The following FRMD3 variants were observed in gnomAD, a reference collection of about 807,000 sequenced individuals.
FRMD3 encodes the protein FERM domain-containing protein 3.
FRMD3 carries 33 observed loss-of-function variants against 70.2 expected under a neutral mutation model. That is an observed-to-expected ratio of 0.47 (90% CI 0.36 to 0.63). The LOEUF (loss-of-function observed/expected upper bound fraction) is 0.63, where lower values mean the gene tolerates loss of function less well. Among genes scored for constraint, FRMD3 ranks in the 20% least tolerant of loss-of-function variants. The pLI is 0.00. For synonymous variants in FRMD3, 279 were observed against 255.9 expected, an observed-to-expected ratio of 1.09 and a Z score of -0.86; for missense variants, 632 against 711.4, an observed-to-expected ratio of 0.89 and a Z score of 1.27.
At chr9:83,497,111 T>C (rs1828960407) in intron 1 of FRMD3, among the ~76,000 whole-genome samples, 1 of 152,116 alleles carries the variant, frequency 6.6e-6, no homozygotes, top group Non-Finnish European at 1.5e-5. Context: ...TGAAACTGTG[T>C]CTCAAAAGTA....
intron 12 of FRMD3, among the ~76,000 whole-genome samples, chr9:83,298,213 A>C (rs2119016416): frequency 6.6e-6 from 1 of 152,366 alleles, no homozygotes; most frequent in South Asian, 2.1e-4. Flanking sequence ...AAATTGTGGT[A>C]GTGTGAAGTC....
chr9:83,505,394 A>G (rs1349361245), intron 1 of FRMD3, among the ~76,000 whole-genome samples: 1 of 152,196 alleles, frequency 6.6e-6, no homozygotes. Flanking sequence ...CAAGTCCTCT[A>G]AGATCAGCCA....
chr9:83,570,829 T>C, the FRMD3 span, among the ~76,000 whole-genome samples: 1 of 152,132 alleles, frequency 6.6e-6, no homozygotes, highest in Non-Finnish European at 1.5e-5. Context: ...TTCCGTAATC[T>C]AGGCAAGAAA....
chr9:83,329,372 A>G (rs572975301), intron 6 of FRMD3, among the ~76,000 whole-genome samples: 1 of 152,326 alleles, frequency 6.6e-6, no homozygotes, highest in African/African-American at 2.4e-5. Context: ...CTTAAGAAAG[A>G]TTGGGGTTGT....
chr9:83,537,985 C>T lies in FRMD3; in HGVS notation c.147+100G>A. On this transcript the variant is annotated intron_variant, in intron 1 of 13. Coordinates refer to ENST00000304195, the MANE Select transcript of FRMD3 (RefSeq NM_174938.6). This position sits in a 1 kb window ranked among gnomAD's most constrained non-coding sequence, Gnocchi z 4.1. ...CTGGCTTTCTAGCAGTCCCCCAATC[C>T]CCTCCGGGAGTGGGTTCCTTGTTCT... The T allele has an allele frequency of 7.4e-7, 1 of 1,358,244 alleles. No homozygotes were observed. The highest frequency in any genetic ancestry group is 1.0e-6 in the Non-Finnish European group (1 of 983,038). 84.1% of individuals were successfully genotyped at this position (1,358,244 alleles called of 1,614,324 possible).
intron 13 of FRMD3, among the ~76,000 whole-genome samples, chr9:83,271,332 CA>C (rs1409386837): frequency 1.3e-5 from 2 of 152,114 alleles, no homozygotes; most frequent in African/African-American, 2.4e-5. Flanking sequence ...TCAGGTTAGA[CA>C]TTAAGTATCC....
chr9:83,528,163 A>C (rs566179085), intron 1 of FRMD3, among the ~76,000 whole-genome samples: 1 of 152,356 alleles, frequency 6.6e-6, no homozygotes, highest in African/African-American at 2.4e-5. Flanking sequence ...TCTCAAAACA[A>C]GACACAGCTT....
At chr9:83,544,147 C>G in the FRMD3 span, among the ~76,000 whole-genome samples, 1 of 152,164 alleles carries the variant, frequency 6.6e-6, no homozygotes, top group Admixed American at 6.5e-5. Flanking sequence ...CACACCAAAG[C>G]CATTTCAGCA....
At chr9:83,564,369 A>G in the FRMD3 span, among the ~76,000 whole-genome samples, 1 of 152,188 alleles carries the variant, frequency 6.6e-6, no homozygotes, top group Non-Finnish European at 1.5e-5. Flanking sequence ...CTAAGTCCCT[A>G]ATATATGCCA....
chr9:83,371,911 AG>A (rs1824986067), intron 3 of FRMD3, among the ~76,000 whole-genome samples: 1 of 152,198 alleles, frequency 6.6e-6, no homozygotes. Flanking sequence ...AGAAAGTTAA[AG>A]AAGAGATACG....
In FRMD3 at chr9:83,346,985, A is replaced by G. The variant is rs1447252750; in HGVS notation, c.374+2694T>C. 2.0e-5 allele frequency among the ~76,000 whole-genome samples: 3 copies of G among 152,378 alleles called. No individual in the cohort carries two copies. In the East Asian group the frequency reaches 5.8e-4, roughly 29 times the overall value. ...TTAAGGACTGTAAACTACCAGGCCA[A>G]ATACCATGAAGTTTCTTTTCTGTGT... On this transcript the variant is annotated intron_variant, in intron 4 of 13. Coordinates refer to ENST00000304195, the MANE Select transcript of FRMD3 (RefSeq NM_174938.6).
chr9:83,541,670 GGCAGAAGACAAATAGTGGT>G, upstream of FRMD3, among the ~76,000 whole-genome samples: 1 of 152,342 alleles, frequency 6.6e-6, no homozygotes, highest in East Asian at 1.9e-4. Context: ...AGCCTGGGCT[GGCAGAAGACAAATAGTGGT>G]GCATGACTTA....
chr9:83,396,502 G>C (rs1825815650), intron 1 of FRMD3, among the ~76,000 whole-genome samples: 1 of 152,136 alleles, frequency 6.6e-6, no homozygotes, highest in Non-Finnish European at 1.5e-5. Context: ...CGCATCTGAG[G>C]GCTCTAGCTT....
intron 1 of FRMD3, among the ~76,000 whole-genome samples, chr9:83,479,629 AAG>A (rs1828489105): frequency 2.9e-5 from 1 of 34,436 alleles, no homozygotes; most frequent in Non-Finnish European, 5.8e-5. Flanking sequence ...TGAAGAAAGG[AAG>A]GAAGGAAGGA....
chr9:83,452,784 C>T (rs1205547055), intron 1 of FRMD3, among the ~76,000 whole-genome samples: 1 of 149,882 alleles, frequency 6.7e-6, no homozygotes, highest in Non-Finnish European at 1.5e-5. Context: ...GCCCGGCCTA[C>T]TTCTTAGATC....
intron 1 of FRMD3, among the ~76,000 whole-genome samples, chr9:83,407,863 C>CTCTCTCTTCTT (rs1826159470): frequency 8.4e-6 from 1 of 119,492 alleles, no homozygotes; most frequent in Non-Finnish European, 1.6e-5. Context: ...CTCTCTCTCT[C>CTCTCTCTTCTT]TCTCTCTCTC....
At chr9:83,543,847 G>C in the FRMD3 span, among the ~76,000 whole-genome samples, 5 of 152,236 alleles carry the variant, frequency 3.3e-5, no homozygotes, top group African/African-American at 1.2e-4. Context: ...GGTGAAGAGT[G>C]TGGTTCTGCC....
chr9:83,476,781 T>C (rs1195608973), intron 1 of FRMD3, among the ~76,000 whole-genome samples: 2 of 152,158 alleles, frequency 1.3e-5, no homozygotes, highest in African/African-American at 4.8e-5. Flanking sequence ...ATCCCTTGAG[T>C]CGTAATCATG....
In FRMD3 at chr9:83,414,146, A is replaced by G. The variant is rs186769281; in HGVS notation, c.148-24438T>C. Among the ~76,000 whole-genome samples, 640 of 152,286 alleles carry G rather than the reference A, an allele frequency of 4.2e-3. 10 individuals carry two copies. Among genetic ancestry groups the G allele is most frequent in the African/African-American group, 0.014 (577 of 41,568 alleles). ...TGGTTGCCTGGGGCTGGGCAAAGGA[A>G]GGGGGAATGACTGCAAATGGGCACA... On this transcript the variant is annotated intron_variant, in intron 1 of 13. Coordinates refer to ENST00000304195, the MANE Select transcript of FRMD3 (RefSeq NM_174938.6).
Sources: gnomAD v4.1 joint callset for allele counts (sites outside exome capture counted in the v4.1 genomes callset) on GRCh38, gnomAD v4.1.1 for gene constraint, Gnocchi (gnomAD v3.1) non-coding constraint, MANE v1.5 for transcripts, NCBI Gene and HGNC (gene_info 2026-07-23, HGNC 2026-07-21) for gene names.